Variants in LEPR observed in about 807,000 individuals in gnomAD.
The protein encoded by LEPR is OB receptor.
Under a neutral mutation model 114.7 loss-of-function variants are expected in LEPR, and 56 were observed. The ratio of observed to expected loss-of-function variants is 0.49; its 90% CI spans 0.39 to 0.61. LEPR has a LOEUF of 0.61. Ranked by LOEUF, LEPR falls within the 20% of genes least tolerant of loss-of-function variation. LEPR has a pLI of 0.00. For missense variants in LEPR, 1,202 were observed against 1,352.9 expected, an observed-to-expected ratio of 0.89 and a Z score of 1.75; for synonymous variants, 443 against 461.4, an observed-to-expected ratio of 0.96 and a Z score of 0.51.
intron 2 of LEPR, among the ~76,000 whole-genome samples, chr1:65,504,945 A>T (rs997882389): frequency 6.6e-6 from 1 of 152,184 alleles, no homozygotes; most frequent in East Asian, 1.9e-4. Context: ...TCCAAGTTTT[A>T]CCCCATTCCA....
chr1:65,577,466 C>G (rs554250018), intron 5 of LEPR: 2 of 153,862 alleles, frequency 1.3e-5, no homozygotes, highest in African/African-American at 2.5e-5. Flanking sequence ...ATTGTGGAAA[C>G]AGATAACAAT....
intron 2 of LEPR, among the ~76,000 whole-genome samples, chr1:65,548,277 A>G (rs1300701467): frequency 1.3e-5 from 2 of 152,032 alleles, no homozygotes; most frequent in South Asian, 2.1e-4. Flanking sequence ...AAAAAAATGT[A>G]TATTCTGTTG....
intron 2 of LEPR, chr1:65,432,819 C>G: frequency 1.7e-6 from 1 of 590,036 alleles, no homozygotes; most frequent in Non-Finnish European, 2.1e-6. Context: ...CTAATGTTCT[C>G]ATAAAAAAGT....
At chr1:65,507,437 TTG>T (rs141990947) in intron 2 of LEPR, among the ~76,000 whole-genome samples, 49 of 138,768 alleles carry the variant, frequency 3.5e-4, no homozygotes, top group East Asian at 1.2e-3. Context: ...TAGTATTCCA[TTG>T]TGTGTGTGTG....
At chr1:65,634,771 A>T in intron 19 of LEPR, 3 of 914,626 alleles carry the variant, frequency 3.3e-6, no homozygotes, top group Non-Finnish European at 3.9e-6. Flanking sequence ...ATGTAGGTTC[A>T]TTTAAATTTT....
intron 2 of LEPR, among the ~76,000 whole-genome samples, chr1:65,499,532 A>G (rs1205572676): frequency 1.3e-5 from 2 of 152,152 alleles, no homozygotes; most frequent in Admixed American, 1.3e-4. Flanking sequence ...GAAGATACTT[A>G]ATGTCTTTGA....
intron 2 of LEPR, chr1:65,435,011 T>C (rs1646539189): frequency 1.0e-6 from 1 of 985,432 alleles, no homozygotes; most frequent in African/African-American, 1.7e-5. Context: ...ACCTGCGTTT[T>C]TAGAGAATGC....
chr1:65,588,303 A>ATT (rs151102754), intron 5 of LEPR, among the ~76,000 whole-genome samples: 7 of 150,236 alleles, frequency 4.7e-5, no homozygotes, highest in Non-Finnish European at 8.9e-5. Flanking sequence ...GCTAATTATA[A>ATT]TTTTTTTTTT....
intron 2 of LEPR, among the ~76,000 whole-genome samples, chr1:65,538,224 G>C (rs1244372242): frequency 1.3e-5 from 2 of 151,114 alleles, no homozygotes; most frequent in African/African-American, 4.9e-5. Context: ...TTTGAATTAT[G>C]ACTTCCTTTT....
At chr1:65,486,921 G>A (rs931764934) in intron 2 of LEPR, among the ~76,000 whole-genome samples, 13 of 151,964 alleles carry the variant, frequency 8.6e-5, no homozygotes, top group Middle Eastern at 3.2e-3. Context: ...AATAATCACC[G>A]TCCCACCCTG....
intron 2 of LEPR, among the ~76,000 whole-genome samples, chr1:65,439,984 A>T (rs2100274947): frequency 7.0e-6 from 1 of 143,644 alleles, no homozygotes; most frequent in South Asian, 2.4e-4. Context: ...CTGGGCGAGG[A>T]AGAGAGATTC....
chr1:65,601,654 T>G lies in LEPR; in HGVS notation c.1257T>G (p.His419Gln), dbSNP rs999991204. ...AVYCCNEHEC[H>Q]HRYAELYVID... The stretch of plus-strand genomic sequence containing the variant: ...ACTGCTGCAATGAACATGAATGCCA[T>G]CATCGCTATGCTGAATTATATGTGA... The change falls in exon 9 of 20, where the codon CAT becomes CAG. Residue 419 changes from histidine to glutamine, a missense_variant. Physicochemically the swap from His to Gln is conservative, Grantham distance 24. Coordinates refer to ENST00000349533, the MANE Select transcript of LEPR (RefSeq NM_002303.6). The G allele has an allele frequency of 6.2e-7, 1 of 1,613,698 alleles. No homozygotes were observed. The highest frequency in any genetic ancestry group is 2.2e-5 in the East Asian group (1 of 44,846).
chr1:65,581,323 C>A (rs1032416670), intron 5 of LEPR, among the ~76,000 whole-genome samples: 8 of 152,096 alleles, frequency 5.3e-5, no homozygotes, highest in Non-Finnish European at 8.8e-5. Flanking sequence ...TTCTTGGCTC[C>A]CCCTTCTGGG....
In LEPR at chr1:65,440,702, T is replaced by C. The variant is rs375374914; in HGVS notation, c.-21+15324T>C. On this transcript the variant is annotated intron_variant, in intron 2 of 19. Coordinates refer to ENST00000349533, the MANE Select transcript of LEPR (RefSeq NM_002303.6). ...GGGAGAGTGGAGGGAGATAAGATAATGTGTGTGTAGGGGTGGATGGATCCT... is the reference window on the plus strand; with the variant it reads ...GGGAGAGTGGAGGGAGATAAGATAACGTGTGTGTAGGGGTGGATGGATCCT... Among the ~76,000 whole-genome samples the C allele has an allele frequency of 5.3e-5, 8 of 152,036 alleles. No individual in the cohort carries two copies. The East Asian group carries it at 1.5e-3, about 29-fold the overall frequency.
intron 1 of LEPR, among the ~76,000 whole-genome samples, chr1:65,424,806 C>T (rs992288514): frequency 1.3e-5 from 2 of 152,020 alleles, no homozygotes; most frequent in East Asian, 3.9e-4. Context: ...TTTCTCTCTT[C>T]TTATAAGGGC....
At chr1:65,596,654 C>T (rs1656085721) in intron 7 of LEPR, 61 bp downstream of exon 7, 6 of 1,471,868 alleles carry the variant, frequency 4.1e-6, no homozygotes, top group Non-Finnish European at 5.7e-6. Flanking sequence ...CCTCTTAAGT[C>T]CCATAGCAAT....
intron 2 of LEPR, among the ~76,000 whole-genome samples, chr1:65,495,869 G>C (rs1648130329): frequency 6.6e-6 from 1 of 152,164 alleles, no homozygotes. Context: ...TAGAATTAGA[G>C]AGTAGAATAG....
At chr1:65,549,148 C>G (rs1234666428) in intron 2 of LEPR, among the ~76,000 whole-genome samples, 3 of 151,504 alleles carry the variant, frequency 2.0e-5, no homozygotes, top group African/African-American at 7.4e-5. Flanking sequence ...CCACTCTCTT[C>G]TGGCTTGTAG....
At chr1:65,557,413 T>G (rs566499559) in intron 2 of LEPR, among the ~76,000 whole-genome samples, 3 of 152,304 alleles carry the variant, frequency 2.0e-5, no homozygotes, top group African/African-American at 7.2e-5. Flanking sequence ...TTAAAAAATT[T>G]CTGTCACTTT....
Sources: allele counts gnomAD v4.1 joint callset (sites outside exome capture counted in the v4.1 genomes callset), GRCh38; gene constraint gnomAD v4.1.1; transcripts MANE v1.5; gene names NCBI Gene and HGNC (gene_info 2026-07-23, HGNC 2026-07-21).